Variants in ATPAF1 observed in about 807,000 individuals in gnomAD.
ATPAF1 encodes homolog of yeast ATP11.
A neutral mutation model predicts 43.9 loss-of-function variants in ATPAF1; 26 were observed. The observed-to-expected ratio is 0.59, with a 90% confidence interval of 0.43 to 0.82. ATPAF1 has a LOEUF of 0.82. Among genes scored for constraint, ATPAF1 ranks in the 40% least tolerant of loss-of-function variants. ATPAF1 has a pLI of 0.00. For synonymous variants in ATPAF1, 157 were observed against 168.0 expected (o/e 0.93, Z 0.50); for missense variants, 366 against 435.0 (o/e 0.84, Z 1.41).
intron 8 of ATPAF1, among the ~76,000 whole-genome samples, chr1:46,639,650 C>T (rs1675911723): frequency 6.6e-6 from 1 of 152,114 alleles, no homozygotes; most frequent in East Asian, 1.9e-4. Flanking sequence ...AATACTATGC[C>T]TAAAGTGCAC....
At chr1:46,658,299 C>A in intron 3 of ATPAF1, 110 bp from the exon 4 acceptor site, 1 of 889,924 alleles carries the variant, frequency 1.1e-6, no homozygotes, top group Non-Finnish European at 1.7e-6. Context: ...AAACAGATTT[C>A]CAAAAGTAGA....
intron 6 of ATPAF1, among the ~76,000 whole-genome samples, chr1:46,646,678 AT>A (rs1180610058): frequency 1.3e-5 from 2 of 152,054 alleles, no homozygotes; most frequent in Admixed American, 6.6e-5. Context: ...TAGGGAAAAT[AT>A]TTTTTTTACA....
At chr1:46,655,726 T>C (rs531426583) in intron 4 of ATPAF1, among the ~76,000 whole-genome samples, 1 of 152,272 alleles carries the variant, frequency 6.6e-6, no homozygotes, top group South Asian at 2.1e-4. Flanking sequence ...CTCTCTCTCC[T>C]ACCTCTGACC....
intron 4 of ATPAF1, among the ~76,000 whole-genome samples, chr1:46,656,127 G>C (rs942741971): frequency 2.0e-5 from 3 of 152,130 alleles, no homozygotes; most frequent in South Asian, 4.1e-4. Flanking sequence ...GGGACACTTG[G>C]AACTGTATCC....
intron 4 of ATPAF1, among the ~76,000 whole-genome samples, chr1:46,655,215 C>T (rs534890665): frequency 2.6e-5 from 4 of 152,174 alleles, no homozygotes; most frequent in South Asian, 2.1e-4. Flanking sequence ...ATGGGAACTA[C>T]AATTCAAGAT....
At chr1:46,645,363 A>C in intron 6 of ATPAF1, 107 bp from the exon 7 acceptor site, 1 of 963,916 alleles carries the variant, frequency 1.0e-6, no homozygotes, top group Non-Finnish European at 1.6e-6. Context: ...TGGTTTTTAA[A>C]ATATTTTTTT....
intron 6 of ATPAF1, among the ~76,000 whole-genome samples, chr1:46,651,254 G>T (rs1569615020): frequency 6.6e-6 from 1 of 151,810 alleles, no homozygotes; most frequent in South Asian, 2.1e-4. Flanking sequence ...GCGGTGTTTG[G>T]TTTTTTGTTC....
intron 2 of ATPAF1, among the ~76,000 whole-genome samples, chr1:46,662,922 T>A (rs1676419021): frequency 1.3e-5 from 2 of 152,122 alleles, no homozygotes; most frequent in Admixed American, 1.3e-4. Context: ...CCTAATGCTA[T>A]CCCTCCCCAC....
At chr1:46,646,318 A>G (rs1676045007) in intron 6 of ATPAF1, among the ~76,000 whole-genome samples, 1 of 152,242 alleles carries the variant, frequency 6.6e-6, no homozygotes, top group African/African-American at 2.4e-5. Flanking sequence ...ATTCTATTGT[A>G]GAAGTTTATC....
intron 4 of ATPAF1, among the ~76,000 whole-genome samples, chr1:46,654,284 G>C (rs1676223052): frequency 6.6e-6 from 1 of 152,050 alleles, no homozygotes; most frequent in Non-Finnish European, 1.5e-5. Flanking sequence ...CTCAGCTCCA[G>C]TCATTTACTA....
intron 5 of ATPAF1, among the ~76,000 whole-genome samples, chr1:46,652,936 T>A (rs1331083056): frequency 7.2e-5 from 11 of 152,084 alleles, no homozygotes; most frequent in Admixed American, 7.2e-4. Context: ...GTTTAAACAA[T>A]GAGTCAGTAT....
rs1199499060 is a variant in ATPAF1 at position 46,653,216 on chromosome 1, A to G, written c.541-588T>C. ...GGGAAAAACAAAGAACTAGCTGATAATCCAGTACTTCAGATGCTTTATTAT... is the reference window on the plus strand; with the variant it reads ...GGGAAAAACAAAGAACTAGCTGATAGTCCAGTACTTCAGATGCTTTATTAT... On this transcript the variant is annotated intron_variant, in intron 5 of 8. Transcript: ENST00000574428. This position sits in a 1 kb window ranked among gnomAD's most constrained non-coding sequence, Gnocchi z 4.8. Among the ~76,000 whole-genome samples the G allele has an allele frequency of 6.6e-6, 1 of 152,124 alleles. No individual in the cohort carries two copies. The highest frequency in any genetic ancestry group is 1.5e-5 in the Non-Finnish European group (1 of 68,024).
chr1:46,645,278 G>A (rs1676021821), intron 6 of ATPAF1, 22 bp from the exon 7 acceptor site: 1 of 1,531,258 alleles, frequency 6.5e-7, no homozygotes. Context: ...AGATATACAA[G>A]GAGACAGATG....
chr1:46,665,075 A>G, intron 2 of ATPAF1, 181 bp downstream of exon 2: 2 of 606,454 alleles, frequency 3.3e-6, no homozygotes, highest in South Asian at 4.2e-5. Flanking sequence ...CTCCACCATG[A>G]CCACAGTACT....
chr1:46,634,811 C>T (rs1265024514), downstream of ATPAF1: 1 of 152,556 alleles, frequency 6.6e-6, no homozygotes, highest in East Asian at 1.9e-4. Flanking sequence ...GCATTCCAAA[C>T]AATTTTTCAG....
At chr1:46,639,961 A>G (rs555790481) in intron 8 of ATPAF1, among the ~76,000 whole-genome samples, 3 of 152,360 alleles carry the variant, frequency 2.0e-5, no homozygotes, top group South Asian at 4.1e-4. Flanking sequence ...TCCACTTTTA[A>G]TATGATTAGA....
intron 4 of ATPAF1, 145 bp from the exon 5 acceptor site, chr1:46,654,012 C>G: frequency 1.6e-6 from 1 of 609,630 alleles, no homozygotes; most frequent in Non-Finnish European, 2.8e-6. Context: ...TCATTACTAG[C>G]ACATCACAAA....
At chr1:46,666,932 C>G (rs1337640678) in intron 1 of ATPAF1, among the ~76,000 whole-genome samples, 2 of 152,194 alleles carry the variant, frequency 1.3e-5, no homozygotes, top group Non-Finnish European at 2.9e-5. Context: ...GTAGACAACT[C>G]TTCAGAGATG....
At chr1:46,640,408 G>A (rs1261355027) in intron 8 of ATPAF1, among the ~76,000 whole-genome samples, 1 of 152,072 alleles carries the variant, frequency 6.6e-6, no homozygotes, top group Admixed American at 6.6e-5. Flanking sequence ...TCAGGAGTTC[G>A]AGACCAGCCT....
Sources: allele counts gnomAD v4.1 joint callset (sites outside exome capture counted in the v4.1 genomes callset), GRCh38; gene constraint gnomAD v4.1.1; non-coding constraint Gnocchi (gnomAD v3.1); transcripts MANE v1.5; gene names NCBI Gene and HGNC (gene_info 2026-07-23, HGNC 2026-07-21).